The following ESRRG variants were observed in gnomAD, a reference collection of about 807,000 sequenced individuals.
ESRRG encodes estrogen-related receptor gamma.
A neutral mutation model predicts 44.0 loss-of-function variants in ESRRG; 13 were observed. The observed-to-expected ratio is 0.30, with a 90% CI of 0.19 to 0.47. ESRRG has a LOEUF of 0.47. Ranked by LOEUF, ESRRG falls within the 20% of genes least tolerant of loss-of-function variation. The pLI is 1.00. For synonymous variants in ESRRG, 215 were observed against 214.6 expected (o/e 1.00, Z -0.02); for missense variants, 395 against 580.6 (o/e 0.68, Z 3.29).
intron 2 of ESRRG, among the ~76,000 whole-genome samples, chr1:216,931,850 A>AAAC (rs1403552484): frequency 2.4e-4 from 36 of 147,046 alleles, no homozygotes; most frequent in African/African-American, 8.2e-4. Context: ...AAAAAAAAAA[A>AAAC]CACAAAATAA....
At chr1:216,574,695 T>C (rs2061388882) in intron 3 of ESRRG, among the ~76,000 whole-genome samples, 1 of 152,078 alleles carries the variant, frequency 6.6e-6, no homozygotes, top group South Asian at 2.1e-4. Flanking sequence ...ACGCAAATAT[T>C]CACATTAAAG....
chr1:216,636,385 A>G (rs1011293374), intron 3 of ESRRG, among the ~76,000 whole-genome samples: 1 of 152,240 alleles, frequency 6.6e-6, no homozygotes, highest in Non-Finnish European at 1.5e-5. Context: ...CTGAAGAAAA[A>G]TAAAAGCCAA....
At chr1:216,565,074 C>T (rs1236813480) in intron 4 of ESRRG, among the ~76,000 whole-genome samples, 1 of 152,134 alleles carries the variant, frequency 6.6e-6, no homozygotes, top group African/African-American at 2.4e-5. Context: ...GTGTCAAATT[C>T]TTTAATCCTC....
chr1:217,022,329 G>A (rs932660090), intron 1 of ESRRG, among the ~76,000 whole-genome samples: 8 of 152,106 alleles, frequency 5.3e-5, no homozygotes, highest in African/African-American at 1.2e-4. Flanking sequence ...CAAAATAGGC[G>A]GGTGGAAGGG....
chr1:217,082,124 G>A (rs1175944037), intron 1 of ESRRG, among the ~76,000 whole-genome samples: 1 of 152,186 alleles, frequency 6.6e-6, no homozygotes, highest in Admixed American at 6.5e-5. Context: ...AAACTAGCAG[G>A]TGCCCAGCAA....
chr1:216,770,518 G>A (rs1201914393), intron 2 of ESRRG, among the ~76,000 whole-genome samples: 1 of 152,130 alleles, frequency 6.6e-6, no homozygotes, highest in East Asian at 1.9e-4. Flanking sequence ...TCAGATCAGA[G>A]TAGAAGATCG....
chr1:216,906,468 CCAGGAAA>C (rs2059696032), intron 2 of ESRRG, among the ~76,000 whole-genome samples: 1 of 152,238 alleles, frequency 6.6e-6, no homozygotes, highest in East Asian at 1.9e-4. Context: ...AGACATATGG[CCAGGAAA>C]GTACAGCCTC....
At chr1:216,799,687 G>A (rs1375864911) in intron 2 of ESRRG, among the ~76,000 whole-genome samples, 5 of 152,120 alleles carry the variant, frequency 3.3e-5, no homozygotes, top group Non-Finnish European at 7.4e-5. Flanking sequence ...TCACAATTAA[G>A]TTTTCATATC....
chr1:217,011,688 C>T (rs981741420), intron 1 of ESRRG, among the ~76,000 whole-genome samples: 2 of 152,100 alleles, frequency 1.3e-5, no homozygotes, highest in South Asian at 2.1e-4. Flanking sequence ...AAACACACAC[C>T]TCACTGTGGG....
At chr1:216,796,280 G>A (rs1215715278) in intron 2 of ESRRG, among the ~76,000 whole-genome samples, 2 of 152,112 alleles carry the variant, frequency 1.3e-5, no homozygotes, top group African/African-American at 2.4e-5. Flanking sequence ...TCCCCACTGG[G>A]CTCCCAGATG....
chr1:216,536,765 A>G (rs933741244), intron 5 of ESRRG, among the ~76,000 whole-genome samples: 2 of 152,074 alleles, frequency 1.3e-5, no homozygotes, highest in Admixed American at 6.6e-5. Flanking sequence ...TAGTGCTTCC[A>G]TTTATCATGA....
At chr1:217,090,201 C>A (rs1054358038), upstream of ESRRG, among the ~76,000 whole-genome samples, 17 of 152,184 alleles carry the variant, frequency 1.1e-4, no homozygotes, top group African/African-American at 2.9e-4. Context: ...AGCAAGCATG[C>A]GTTCATCTTT....
At chr1:216,685,840 A>G (rs896116098) in intron 1 of ESRRG, among the ~76,000 whole-genome samples, 5 of 152,218 alleles carry the variant, frequency 3.3e-5, no homozygotes, top group African/African-American at 9.6e-5. Context: ...AATTACAATG[A>G]CCAATAAACC....
intron 3 of ESRRG, among the ~76,000 whole-genome samples, 192 bp downstream of exon 3, chr1:216,650,781 C>T (rs936010660): frequency 6.6e-6 from 1 of 152,098 alleles, no homozygotes; most frequent in Non-Finnish European, 1.5e-5. Flanking sequence ...CTACCTTGTC[C>T]CTTCCTGTCA....
At chr1:217,014,764 T>C (rs2079102965) in intron 1 of ESRRG, among the ~76,000 whole-genome samples, 1 of 152,132 alleles carries the variant, frequency 6.6e-6, no homozygotes, top group South Asian at 2.1e-4. Flanking sequence ...AGCATATAAG[T>C]TATCTTAGAC....
At chr1:217,074,952 C>T (rs1022553396) in intron 1 of ESRRG, among the ~76,000 whole-genome samples, 1 of 152,084 alleles carries the variant, frequency 6.6e-6, no homozygotes, top group African/African-American at 2.4e-5. Context: ...GATATTTTTC[C>T]TCAATCAAAA....
At chr1:216,706,047 C>T (rs1158246439) in intron 1 of ESRRG, among the ~76,000 whole-genome samples, 2 of 152,170 alleles carry the variant, frequency 1.3e-5, no homozygotes, top group African/African-American at 2.4e-5. Context: ...CTGCCCTCTT[C>T]CTCCTCGTCC....
chr1:216,957,244 T>A (rs1274490533), intron 1 of ESRRG, among the ~76,000 whole-genome samples: 2 of 152,188 alleles, frequency 1.3e-5, no homozygotes, highest in Admixed American at 6.6e-5. Flanking sequence ...TTTATCTTTC[T>A]ACACTCTCCC....
At chr1:216,945,123 C>T (rs2065860717) in intron 1 of ESRRG, among the ~76,000 whole-genome samples, 1 of 151,976 alleles carries the variant, frequency 6.6e-6, no homozygotes, top group African/African-American at 2.4e-5. Flanking sequence ...AGAGCGATAC[C>T]AAGGATTAGC....
Sources: gnomAD v4.1 joint callset for allele counts (sites outside exome capture counted in the v4.1 genomes callset) on GRCh38, gnomAD v4.1.1 for gene constraint, MANE v1.5 for transcripts, NCBI Gene and HGNC (gene_info 2026-07-23, HGNC 2026-07-21) for gene names.